The following KCNH5 variants were observed in gnomAD, a reference collection of about 807,000 sequenced individuals.
KCNH5 encodes the protein potassium voltage-gated channel subfamily H member 5, also known as voltage-gated delayed rectifier potassium channel KCNH5.
In KCNH5, 46 loss-of-function variants were observed where a neutral mutation model predicts 96.1. That is an observed-to-expected ratio of 0.48 (90% CI 0.38 to 0.61). The LOEUF (loss-of-function observed/expected upper bound fraction) is 0.61. KCNH5 is among the 20% of genes least tolerant of loss of function. The pLI is 0.00. For missense variants in KCNH5, 907 were observed against 1,225.8 expected (o/e 0.74, Z 3.88); for synonymous variants, 439 against 449.8 (o/e 0.98, Z 0.30).
At chr14:62,800,605 C>G (rs1031206608) in intron 9 of KCNH5, among the ~76,000 whole-genome samples, 3 of 152,036 alleles carry the variant, frequency 2.0e-5, no homozygotes, top group African/African-American at 7.2e-5. Flanking sequence ...TCATGTAATA[C>G]ATTTGATATT....
intron 6 of KCNH5, among the ~76,000 whole-genome samples, chr14:62,959,847 A>C (rs1219872757): frequency 6.6e-6 from 1 of 152,116 alleles, no homozygotes; most frequent in African/African-American, 2.4e-5. Flanking sequence ...TCACACTAAC[A>C]GCATCTCTCT....
At chr14:62,884,444 G>A (rs868318424) in intron 7 of KCNH5, among the ~76,000 whole-genome samples, 6 of 152,156 alleles carry the variant, frequency 3.9e-5, no homozygotes, top group Admixed American at 2.0e-4. Flanking sequence ...TGGGCAACAC[G>A]GTGAAACGCT....
intron 3 of KCNH5, among the ~76,000 whole-genome samples, chr14:63,005,523 A>C (rs902768456): frequency 6.6e-6 from 1 of 152,238 alleles, no homozygotes; most frequent in South Asian, 2.1e-4. Context: ...CAAAGATAAT[A>C]GTAGACTTTG....
At chr14:62,938,170 T>C (rs1473927215) in intron 7 of KCNH5, among the ~76,000 whole-genome samples, 1 of 152,114 alleles carries the variant, frequency 6.6e-6, no homozygotes, top group African/African-American at 2.4e-5. Flanking sequence ...GGGGGTGTTG[T>C]TAAAAATAAG....
rs377532370 is a variant in KCNH5, at chr14:63,016,961, A to C, written c.74-7T>G. ...CCCAGTAAGAAACTTGATTCTGAAGAAGAAAGGAGAAAAAAGGAGGTTATT... is the reference window on the plus strand; with the variant it reads ...CCCAGTAAGAAACTTGATTCTGAAGCAGAAAGGAGAAAAAAGGAGGTTATT... On this transcript the variant is annotated splice_polypyrimidine_tract_variant and splice_region_variant and intron_variant, in intron 1 of 10. Transcript: ENST00000322893. The C allele has an allele frequency of 4.6e-5, 74 of 1,596,846 alleles. 1 individual carries two copies. Among genetic ancestry groups the C allele is most frequent in the Non-Finnish European group, 6.0e-5 (70 of 1,174,096 alleles).
chr14:62,771,369 G>A (rs985906293), intron 10 of KCNH5, among the ~76,000 whole-genome samples: 5 of 152,180 alleles, frequency 3.3e-5, no homozygotes, highest in African/African-American at 4.8e-5. Flanking sequence ...GCTCACACCT[G>A]TAATCCCAGC....
chr14:62,984,191 G>A (rs1566730456), intron 5 of KCNH5, among the ~76,000 whole-genome samples: 1 of 152,168 alleles, frequency 6.6e-6, no homozygotes, highest in Middle Eastern at 3.4e-3. Flanking sequence ...ATGTATTTTT[G>A]TACCAATACA....
intron 10 of KCNH5, among the ~76,000 whole-genome samples, chr14:62,723,428 C>T (rs1190527310): frequency 1.3e-5 from 2 of 152,158 alleles, no homozygotes; most frequent in African/African-American, 4.8e-5. Flanking sequence ...CAATTTTTCA[C>T]AGCTAAATCA....
chr14:62,921,794 A>G (rs963062355), intron 7 of KCNH5, among the ~76,000 whole-genome samples: 3 of 152,098 alleles, frequency 2.0e-5, no homozygotes, highest in Non-Finnish European at 4.4e-5. Context: ...TTCACAATGG[A>G]CAAAGAAGGA....
intron 10 of KCNH5, among the ~76,000 whole-genome samples, chr14:62,731,549 C>T (rs1885051253): frequency 6.6e-6 from 1 of 151,984 alleles, no homozygotes; most frequent in African/African-American, 2.4e-5. Context: ...AAAATTTGAA[C>T]CTCACCTGAA....
intron 9 of KCNH5, among the ~76,000 whole-genome samples, chr14:62,797,958 T>C (rs557074412): frequency 2.8e-4 from 43 of 152,160 alleles, no homozygotes; most frequent in African/African-American, 1.0e-3. Flanking sequence ...CTCAAGTGAT[T>C]AGCCCACCTC....
intron 2 of KCNH5, among the ~76,000 whole-genome samples, chr14:63,011,007 C>T (rs1220703189): frequency 6.6e-6 from 1 of 152,032 alleles, no homozygotes; most frequent in Admixed American, 6.6e-5. Flanking sequence ...GCAAATCCTT[C>T]GTCAAAACAA....
intron 7 of KCNH5, among the ~76,000 whole-genome samples, chr14:62,853,494 A>G (rs10151091): frequency 0.2 from 20,490 of 102,002 alleles, 2,152 homozygotes; most frequent in East Asian, 0.43. Context: ...ATATATATAT[A>G]ATCTTGGCCA....
chr14:62,943,804 C>T (rs770768335), intron 7 of KCNH5, among the ~76,000 whole-genome samples: 3 of 152,038 alleles, frequency 2.0e-5, no homozygotes, highest in Non-Finnish European at 1.5e-5. Flanking sequence ...TATGAAAAAA[C>T]CAAGAGAAGA....
chr14:62,939,365 A>G (rs1249852525), intron 7 of KCNH5, among the ~76,000 whole-genome samples: 1 of 152,026 alleles, frequency 6.6e-6, no homozygotes, highest in Non-Finnish European at 1.5e-5. Flanking sequence ...TGACATGATT[A>G]CTTTCTATAC....
intron 8 of KCNH5, among the ~76,000 whole-genome samples, chr14:62,805,871 T>A (rs1397800265): frequency 6.6e-6 from 1 of 152,158 alleles, no homozygotes; most frequent in African/African-American, 2.4e-5. Flanking sequence ...TTGTAAGAGC[T>A]ATGGTGTCAG....
Position 62,799,126 on chromosome 14 carries a change from A to G in KCNH5, c.1822+3203T>C, listed in dbSNP as rs577335353. 2.4e-4 allele frequency among the ~76,000 whole-genome samples: 36 copies of G among 152,288 alleles called. 2 individuals carry two copies. The South Asian group carries it at 7.3e-3, about 31-fold the overall frequency. ...CCAAAGGCCACAGTTGACAACTAAGACATAACAATCATAAATAATCTGTAC... is the reference window on the plus strand; with the variant it reads ...CCAAAGGCCACAGTTGACAACTAAGGCATAACAATCATAAATAATCTGTAC... On this transcript the variant is annotated intron_variant, in intron 9 of 10. Transcript: ENST00000322893.
chr14:62,716,659 T>C (rs1355798330), intron 10 of KCNH5, among the ~76,000 whole-genome samples: 1 of 152,182 alleles, frequency 6.6e-6, no homozygotes, highest in African/African-American at 2.4e-5. Flanking sequence ...CAGAGCCCGA[T>C]GCAAGATTAA....
At chr14:62,972,348 G>T (rs1029635710) in intron 6 of KCNH5, among the ~76,000 whole-genome samples, 12 of 152,116 alleles carry the variant, frequency 7.9e-5, no homozygotes, top group African/African-American at 2.9e-4. Context: ...TACTAACACC[G>T]CCAAGTGTTG....
Sources: allele counts gnomAD v4.1 joint callset (sites outside exome capture counted in the v4.1 genomes callset), GRCh38; gene constraint gnomAD v4.1.1; transcripts MANE v1.5; gene names NCBI Gene and HGNC (gene_info 2026-07-23, HGNC 2026-07-21).